The following ULK4 variants were observed in gnomAD, a reference collection of about 807,000 sequenced individuals.
The protein encoded by ULK4 is inactive serine/threonine-protein kinase ULK4.
A neutral mutation model predicts 160.6 loss-of-function variants in ULK4; 133 were observed. The ratio of observed to expected loss-of-function variants is 0.83; its 90% CI spans 0.72 to 0.96. The LOEUF (loss-of-function observed/expected upper bound fraction) is 0.96, where lower values mean the gene tolerates loss of function less well. Among genes scored for constraint, ULK4 ranks in the 40% least tolerant of loss-of-function variants. ULK4 has a pLI of 0.00. For missense variants in ULK4, 1,580 were observed against 1,499.5 expected (o/e 1.05, Z -0.89); for synonymous variants, 534 against 539.8 (o/e 0.99, Z 0.15).
chr3:41,518,134 A>G (rs948330126), intron 32 of ULK4, among the ~76,000 whole-genome samples: 3 of 152,180 alleles, frequency 2.0e-5, no homozygotes, highest in African/African-American at 7.2e-5. Context: ...ATGGAAGGGG[A>G]GGTAAATGAC....
intron 35 of ULK4, among the ~76,000 whole-genome samples, chr3:41,343,089 A>G (rs1169234798): frequency 3.3e-5 from 5 of 152,126 alleles, no homozygotes; most frequent in Admixed American, 3.3e-4. Flanking sequence ...CAAAAGCTGA[A>G]AGCATTCCCC....
chr3:41,616,648 C>T (rs2032982730), intron 30 of ULK4, among the ~76,000 whole-genome samples: 1 of 152,162 alleles, frequency 6.6e-6, no homozygotes, highest in South Asian at 2.1e-4. Flanking sequence ...TCAGGAGATT[C>T]CCTCGTGTGC....
At chr3:41,596,383 G>A (rs1201208885) in intron 31 of ULK4, among the ~76,000 whole-genome samples, 1 of 152,146 alleles carries the variant, frequency 6.6e-6, no homozygotes, top group African/African-American at 2.4e-5. Context: ...GTTAGGAGTT[G>A]GACTTAATAA....
rs1261947520 is a variant in ULK4 at position 41,383,104 on chromosome 3, GT to G, written c.3678+14974del. On this transcript the variant is annotated intron_variant, in intron 35 of 36. Transcript: ENST00000301831. ...TTTTCTTTTTCTTTTTTTTTTTCTT[GT>G]TTTTTTTTCTGACACAGAGTTTCAC... 3.1e-5 allele frequency among the ~76,000 whole-genome samples: 3 copies of G among 97,028 alleles called. No homozygotes were observed. In the East Asian group the frequency reaches 6.8e-4, roughly 22 times the overall value. 63.7% of individuals were successfully genotyped at this position (97,028 alleles called of 152,430 possible).
chr3:41,661,504 GAT>G (rs1328952900), intron 30 of ULK4, among the ~76,000 whole-genome samples: 33 of 112,974 alleles, frequency 2.9e-4, no homozygotes, highest in African/African-American at 2.7e-3. Flanking sequence ...CAGATAGATA[GAT>G]AGATGATAGA....
intron 19 of ULK4, among the ~76,000 whole-genome samples, chr3:41,803,877 G>C (rs968005259): frequency 2.6e-5 from 4 of 152,148 alleles, no homozygotes; most frequent in African/African-American, 9.7e-5. Context: ...TCTTAATCCA[G>C]TCTATCATTG....
chr3:41,595,721 A>T (rs1437411988), intron 31 of ULK4, among the ~76,000 whole-genome samples: 1 of 152,186 alleles, frequency 6.6e-6, no homozygotes, highest in African/African-American at 2.4e-5. Context: ...CAGGCCAAGG[A>T]AGTAATAACA....
intron 17 of ULK4, among the ~76,000 whole-genome samples, chr3:41,870,428 T>C (rs1697045912): frequency 6.6e-6 from 1 of 152,182 alleles, no homozygotes; most frequent in African/African-American, 2.4e-5. Flanking sequence ...TCAGTTTGAG[T>C]CATTTCTATT....
At chr3:41,513,662 C>T (rs1263233223) in intron 32 of ULK4, among the ~76,000 whole-genome samples, 1 of 152,178 alleles carries the variant, frequency 6.6e-6, no homozygotes, top group African/African-American at 2.4e-5. Flanking sequence ...ATGACATTCA[C>T]AGCAACCTGG....
Position 41,900,742 on chromosome 3 carries a change from T to C in ULK4, c.1270A>G (p.Ile424Val), listed in dbSNP as rs1222105177. Reference protein sequence around the residue: ...YTDSDLVVTPIIDNPKIMKQP... With the variant: ...YTDSDLVVTPVIDNPKIMKQP... ...TTCTGCACCTTTGGATTGTCGATAATGGGGGTGACAACAAGATCTGAGTCC... is the reference window on the plus strand; with the variant it reads ...TTCTGCACCTTTGGATTGTCGATAACGGGGGTGACAACAAGATCTGAGTCC... The change falls in exon 13 of 37, where the codon ATT becomes GTT. Residue 424 changes from isoleucine to valine, a missense_variant. By Grantham distance (29) the Ile-to-Val change is conservative. Coordinates refer to ENST00000301831, the MANE Select transcript of ULK4 (RefSeq NM_017886.4). The C allele has an allele frequency of 1.2e-6, 2 of 1,613,454 alleles. No individual in the cohort carries two copies. The highest frequency in any genetic ancestry group is 2.2e-5 in the East Asian group (1 of 44,864).
At chr3:41,456,286 T>TA (rs1276973659) in intron 33 of ULK4, among the ~76,000 whole-genome samples, 3 of 152,168 alleles carry the variant, frequency 2.0e-5, no homozygotes, top group Non-Finnish European at 4.4e-5. Flanking sequence ...GTAGTTTGTC[T>TA]AACATCTCAC....
At chr3:41,489,416 T>C (rs2084666658) in intron 32 of ULK4, among the ~76,000 whole-genome samples, 1 of 152,168 alleles carries the variant, frequency 6.6e-6, no homozygotes, top group Non-Finnish European at 1.5e-5. Context: ...ACTGAAAGTA[T>C]TCATTAGAGG....
At chr3:41,386,731 C>T (rs775727480) in intron 35 of ULK4, among the ~76,000 whole-genome samples, 10 of 152,160 alleles carry the variant, frequency 6.6e-5, no homozygotes, top group Non-Finnish European at 1.2e-4. Context: ...ATCATACATC[C>T]TTATATGGAA....
At chr3:41,843,987 T>C (rs527553615) in intron 17 of ULK4, among the ~76,000 whole-genome samples, 19 of 152,292 alleles carry the variant, frequency 1.2e-4, no homozygotes, top group East Asian at 1.2e-3. Context: ...AGAGTGTCCA[T>C]TGGTGCATTC....
chr3:41,883,185 T>C (rs1473847897), intron 17 of ULK4, among the ~76,000 whole-genome samples: 1 of 151,990 alleles, frequency 6.6e-6, no homozygotes, highest in Admixed American at 6.6e-5. Context: ...AGAGAGAAAA[T>C]GTTCCAATTC....
intron 21 of ULK4, among the ~76,000 whole-genome samples, chr3:41,784,391 T>C (rs1317315491): frequency 6.6e-6 from 1 of 151,930 alleles, no homozygotes; most frequent in Non-Finnish European, 1.5e-5. Flanking sequence ...CCGAGATCAC[T>C]CTATTGCACT....
In ULK4 at chr3:41,389,980, C is replaced by T. The variant is rs550842509; in HGVS notation, c.3678+8099G>A. Among the ~76,000 whole-genome samples, 9 of 152,186 alleles carry T rather than the reference C, an allele frequency of 5.9e-5. No individual in the cohort carries two copies. In the East Asian group the frequency reaches 1.5e-3, roughly 26 times the overall value. On this transcript the variant is annotated intron_variant, in intron 35 of 36. Transcript: ENST00000301831. ...TCCTCCTTGTACCTCTGGTAGAATTCGGCTGGGAATCCATCTGGTCCTGAA... is the reference window on the plus strand; with the variant it reads ...TCCTCCTTGTACCTCTGGTAGAATTTGGCTGGGAATCCATCTGGTCCTGAA...
Position 41,895,580 on chromosome 3 carries a change from T to C in ULK4, c.1531-16A>G. On this transcript the variant is annotated splice_polypyrimidine_tract_variant and intron_variant, in intron 15 of 36. Coordinates refer to ENST00000301831, the MANE Select transcript of ULK4 (RefSeq NM_017886.4). The stretch of plus-strand genomic sequence containing the variant: ...GCAATTGGAACTAGAATAAGAAATT[T>C]AAGTGTAAAGAAAAGAAAAAATTAA... The C allele has an allele frequency of 6.8e-7, 1 of 1,476,926 alleles. No homozygotes were observed. 91.5% of individuals were successfully genotyped at this position (1,476,926 alleles called of 1,614,324 possible).
intron 21 of ULK4, among the ~76,000 whole-genome samples, chr3:41,777,881 G>C (rs933463456): frequency 3.5e-5 from 5 of 141,500 alleles, no homozygotes; most frequent in Admixed American, 2.8e-4. Flanking sequence ...ATATCATACT[G>C]AATGGGCAAA....
Sources: allele counts gnomAD v4.1 joint callset (sites outside exome capture counted in the v4.1 genomes callset), GRCh38; gene constraint gnomAD v4.1.1; transcripts MANE v1.5; gene names NCBI Gene and HGNC (gene_info 2026-07-23, HGNC 2026-07-21).